Variants in ANK2 observed in about 807,000 individuals in gnomAD.
ANK2 encodes the protein ankyrin 2.
ANK2 carries 83 observed loss-of-function variants against 360.5 expected under a neutral mutation model. The ratio of observed to expected loss-of-function variants is 0.23; its 90% CI spans 0.19 to 0.28. The LOEUF (loss-of-function observed/expected upper bound fraction) is 0.28, where lower values mean the gene tolerates loss of function less well. Ranked by LOEUF, ANK2 falls within the 10% of genes least tolerant of loss-of-function variation. The probability of loss-of-function intolerance (pLI) is 1.00; values close to 1 mark genes in which losing one functional copy is unlikely to be tolerated. For missense variants in ANK2, 4,201 were observed against 4,795.7 expected (o/e 0.88, Z 3.66); for synonymous variants, 1,740 against 1,759.5 (o/e 0.99, Z 0.28).
chr4:112,986,342 G>T (rs2044866422), intron 2 of ANK2, among the ~76,000 whole-genome samples: 1 of 152,146 alleles, frequency 6.6e-6, no homozygotes, highest in Admixed American at 6.5e-5. Context: ...AGAATTTGAG[G>T]TGTTTACAAT....
intron 1 of ANK2, among the ~76,000 whole-genome samples, chr4:113,126,181 T>A (rs1203281048): frequency 6.6e-6 from 1 of 152,186 alleles, no homozygotes; most frequent in Non-Finnish European, 1.5e-5. Flanking sequence ...TACCAGGAGT[T>A]AGAAATTCAC....
chr4:113,275,387 G>A (rs1276128956), intron 15 of ANK2, among the ~76,000 whole-genome samples: 1 of 152,182 alleles, frequency 6.6e-6, no homozygotes, highest in African/African-American at 2.4e-5. Context: ...AATTAATTGA[G>A]CCAGTGCAAG....
At chr4:113,048,248 GTATATATATA>G (rs869196489), upstream of ANK2, among the ~76,000 whole-genome samples, 72 of 36,260 alleles carry the variant, frequency 2.0e-3, 2 homozygotes, top group African/African-American at 4.8e-3. Context: ...CTACAAGTGT[GTATATATATA>G]TATATATATA....
intron 13 of ANK2, among the ~76,000 whole-genome samples, chr4:113,260,262 A>G (rs940885425): frequency 3.9e-5 from 6 of 152,214 alleles, no homozygotes; most frequent in Non-Finnish European, 1.5e-5. Flanking sequence ...TAAAAAAGTT[A>G]TATGGGGTAC....
chr4:113,048,067 C>A (rs1310860464), upstream of ANK2, among the ~76,000 whole-genome samples: 1 of 151,232 alleles, frequency 6.6e-6, no homozygotes, highest in Non-Finnish European at 1.5e-5. Context: ...TAGGCACCTT[C>A]CAATTTCAAA....
At chr4:113,233,524 A>G (rs2099347119) in intron 5 of ANK2, among the ~76,000 whole-genome samples, 1 of 152,172 alleles carries the variant, frequency 6.6e-6, no homozygotes. Context: ...CTTGTTACCC[A>G]GAAACTATCT....
At chr4:112,838,730 A>G (rs1460883770) in intron 1 of ANK2, among the ~76,000 whole-genome samples, 2 of 152,136 alleles carry the variant, frequency 1.3e-5, no homozygotes, top group Non-Finnish European at 2.9e-5. Context: ...TTAGCCAGGC[A>G]TGGTGGCGCA....
rs552871234 is a variant in ANK2 at position 113,251,865 on chromosome 4, A to C, written c.990+2003A>C. Among the ~76,000 whole-genome samples, 313 of 152,220 alleles carry C rather than the reference A, an allele frequency of 2.1e-3. 1 individual carries two copies. The highest frequency in any genetic ancestry group is 5.5e-3 in the African/African-American group (228 of 41,520). ...AAAGATAATTATAAAAAATAGAGAT[A>C]TGTATAGGGTAATAAACACAGAGAA... is the stretch of plus-strand genomic sequence containing the variant. On this transcript the variant is annotated intron_variant, in intron 10 of 45. Transcript: ENST00000357077.
the ANK2 span, among the ~76,000 whole-genome samples, chr4:112,804,297 G>A: frequency 6.6e-6 from 1 of 152,290 alleles, no homozygotes; most frequent in East Asian, 1.9e-4. Context: ...TGGGATTACA[G>A]GCGTGAGCCA....
At chr4:113,311,208 T>C (rs1353434831) in intron 23 of ANK2, 47 bp from the exon 24 acceptor site, 1 of 1,612,010 alleles carries the variant, frequency 6.2e-7, no homozygotes, top group East Asian at 2.2e-5. Flanking sequence ...TTGTAGTTGA[T>C]ATTACATTCA....
chr4:112,878,783 C>T (rs1005392272), intron 1 of ANK2, among the ~76,000 whole-genome samples: 23 of 152,120 alleles, frequency 1.5e-4, no homozygotes, highest in Non-Finnish European at 3.1e-4. Context: ...TACAGGCTCC[C>T]GCCACCACGC....
intron 2 of ANK2, among the ~76,000 whole-genome samples, chr4:112,930,229 G>A (rs1255978837): frequency 6.6e-6 from 1 of 151,920 alleles, no homozygotes; most frequent in Non-Finnish European, 1.5e-5. Flanking sequence ...CAGATTGTTT[G>A]AGCCAAGGAG....
At chr4:113,128,218 C>T (rs913829880) in intron 1 of ANK2, among the ~76,000 whole-genome samples, 1 of 152,166 alleles carries the variant, frequency 6.6e-6, no homozygotes, top group African/African-American at 2.4e-5. Context: ...CAAATCTTAG[C>T]TCTACCAAAT....
At position 113,353,260 on chromosome 4, in the gene ANK2, C is replaced by G; in HGVS notation, c.4642C>G (p.Pro1548Ala). 1 of 1,613,806 alleles carries G rather than the reference C, an allele frequency of 6.2e-7. No homozygotes were observed. Among genetic ancestry groups the G allele is most frequent in the East Asian group, 2.2e-5 (1 of 44,864 alleles). The change falls in exon 38 of 46, where the codon CCT becomes GCT. Residue 1548 changes from proline to alanine, a missense_variant. Pro to Ala is a conservative substitution (Grantham distance 27). This residue lies in a region of ANK2 where 1,268 missense variants were observed against 1,650.8 expected (regional missense o/e 0.77). Coordinates refer to ENST00000357077, the MANE Select transcript of ANK2 (RefSeq NM_001148.6). ...VKAAEEEPGE[P>A]FEIVERVKED... Reference sequence around the variant, plus strand: ...GGCTGCTGAGGAAGAGCCAGGAGAGCCTTTTGAAATCGTTGAAAGAGTTAA... The same window carrying G: ...GGCTGCTGAGGAAGAGCCAGGAGAGGCTTTTGAAATCGTTGAAAGAGTTAA...
intron 1 of ANK2, among the ~76,000 whole-genome samples, chr4:113,090,507 A>G (rs1374817525): frequency 1.3e-5 from 2 of 152,170 alleles, no homozygotes; most frequent in African/African-American, 4.8e-5. Context: ...CAAATAACTG[A>G]CATTATAAAG....
chr4:113,367,287 A>C (rs2096570728), intron 41 of ANK2, among the ~76,000 whole-genome samples: 1 of 151,994 alleles, frequency 6.6e-6, no homozygotes, highest in Non-Finnish European at 1.5e-5. Context: ...TTCTTTCCAA[A>C]TTCTAACCCC....
At chr4:112,801,574 C>T in the ANK2 span, among the ~76,000 whole-genome samples, 1 of 152,112 alleles carries the variant, frequency 6.6e-6, no homozygotes, top group Admixed American at 6.6e-5. Flanking sequence ...GCAAGGCTTC[C>T]TGGAGGAGCT....
the ANK2 span, among the ~76,000 whole-genome samples, chr4:112,707,451 C>G: frequency 6.6e-6 from 1 of 152,124 alleles, no homozygotes; most frequent in South Asian, 2.1e-4. Context: ...CTTGTAGAAT[C>G]TAGGACTCTA....
rs1354283542 is a variant in ANK2, at chr4:113,382,961, A to G, written c.*1490A>G. Reference sequence around the variant, plus strand: ...GACTGTAACAATCTGAGTAATTTCCATGTCCTCTTCCTTATTCCTCTAGTG... The same window carrying G: ...GACTGTAACAATCTGAGTAATTTCCGTGTCCTCTTCCTTATTCCTCTAGTG... On this transcript the variant is annotated 3_prime_UTR_variant, in exon 46 of 46. Coordinates refer to ENST00000357077, the MANE Select transcript of ANK2 (RefSeq NM_001148.6). 2 of 152,624 alleles carry G rather than the reference A, an allele frequency of 1.3e-5. No homozygotes were observed. Among genetic ancestry groups the G allele is most frequent in the Admixed American group, 1.3e-4 (2 of 15,274 alleles). 9.5% of individuals were successfully genotyped at this position (152,624 alleles called of 1,614,324 possible).
Sources: gnomAD v4.1 joint callset for allele counts (sites outside exome capture counted in the v4.1 genomes callset) on GRCh38, gnomAD v4.1.1 for gene constraint, gnomAD v4.1.1 regional missense constraint, MANE v1.5 for transcripts, NCBI Gene and HGNC (gene_info 2026-07-23, HGNC 2026-07-21) for gene names.